KLF5: variants seen among roughly 807,000 people sequenced by gnomAD.
The protein encoded by KLF5 is Krueppel-like factor 5.
KLF5 carries 9 observed loss-of-function variants against 36.9 expected under a neutral mutation model. The ratio of observed to expected loss-of-function variants is 0.24; its 90% CI spans 0.15 to 0.43. The LOEUF (loss-of-function observed/expected upper bound fraction) is 0.43. Ranked by LOEUF, KLF5 falls within the 20% of genes least tolerant of loss-of-function variation. The probability of loss-of-function intolerance (pLI) is 1.00; values close to 1 mark genes in which losing one functional copy is unlikely to be tolerated. For synonymous variants in KLF5, 246 were observed against 241.7 expected (o/e 1.02, Z -0.17); for missense variants, 524 against 599.5 (o/e 0.87, Z 1.31).
At chr13:73,058,364 G>A (rs2044597017), upstream of KLF5, among the ~76,000 whole-genome samples, 1 of 152,178 alleles carries the variant, frequency 6.6e-6, no homozygotes, top group Admixed American at 6.5e-5. Flanking sequence ...CTGAAAAAAC[G>A]CTTGCCATCA....
At chr13:73,063,716 C>T in intron 2 of KLF5, 108 bp from the exon 3 acceptor site, 3 of 766,688 alleles carry the variant, frequency 3.9e-6, no homozygotes, top group Non-Finnish European at 6.7e-6. Context: ...ATAATCTCAT[C>T]TAGCATGAGA....
chr13:73,059,441 TC>T lies in KLF5; in HGVS notation c.116del (p.Pro39ArgfsTer13). On this transcript the variant is annotated frameshift_variant, in exon 1 of 4. Transcript: ENST00000377687. LOFTEE classifies it high-confidence loss of function. ...QLKPVLGAAN[P>X]ARDAALFPGE... is the part of the protein sequence containing the mutation. Reference sequence around the variant, plus strand: ...TCAAGCCGGTGCTGGGCGCCGCGAATCCGGCCCGCGACGCGGCGCTCTTCCC... The same window carrying T: ...TCAAGCCGGTGCTGGGCGCCGCGAATCGGCCCGCGACGCGGCGCTCTTCCC... 1 of 1,290,194 alleles carries T rather than the reference TC, an allele frequency of 7.8e-7. No homozygotes were observed. 79.9% of individuals were successfully genotyped at this position (1,290,194 alleles called of 1,614,324 possible).
chr13:73,063,333 T>C (rs2139106173), intron 2 of KLF5, among the ~76,000 whole-genome samples: 1 of 152,332 alleles, frequency 6.6e-6, no homozygotes, highest in Non-Finnish European at 1.5e-5. Context: ...ATACATGGAA[T>C]ATATTTACAA....
intron 3 of KLF5, among the ~76,000 whole-genome samples, chr13:73,065,933 A>G (rs1304838410): frequency 6.6e-6 from 1 of 152,192 alleles, no homozygotes; most frequent in African/African-American, 2.4e-5. Context: ...ACCTGCCGGC[A>G]AATACATTTA....
intron 1 of KLF5, 146 bp downstream of exon 1, chr13:73,059,734 T>A: frequency 5.4e-6 from 4 of 735,540 alleles, no homozygotes; most frequent in Non-Finnish European, 4.9e-6. Flanking sequence ...AGCCCCGCCC[T>A]GCACGCCTGG....
intron 3 of KLF5, among the ~76,000 whole-genome samples, chr13:73,074,725 A>G (rs2044747329): frequency 1.3e-5 from 2 of 152,192 alleles, no homozygotes; most frequent in South Asian, 2.1e-4. Context: ...AGGGAGGAAC[A>G]TACCAACTCA....
At chr13:73,070,998 A>G (rs1423462680) in intron 3 of KLF5, among the ~76,000 whole-genome samples, 1 of 152,234 alleles carries the variant, frequency 6.6e-6, no homozygotes, top group East Asian at 1.9e-4. Flanking sequence ...TTTAATCAGA[A>G]TAACTGAGTT....
chr13:73,059,304 C>A lies in KLF5; in HGVS notation c.-24C>A. 3 of 1,350,860 alleles carry A rather than the reference C, an allele frequency of 2.2e-6. No individual in the cohort carries two copies. Among genetic ancestry groups the A allele is most frequent in the Non-Finnish European group, 2.9e-6 (3 of 1,050,762 alleles). The allele number at this position is 1,350,860 out of a possible 1,614,324, so 83.7% of individuals were successfully genotyped here. ...GGTGGGAAGTGCGCCCGACCCGCGCCTGGAGCTGCGCCCCCGAGTGCCCAT... is the reference window on the plus strand; with the variant it reads ...GGTGGGAAGTGCGCCCGACCCGCGCATGGAGCTGCGCCCCCGAGTGCCCAT... On this transcript the variant is annotated 5_prime_UTR_variant, in exon 1 of 4. The change creates a new upstream start codon in the 5' untranslated region. Transcript: ENST00000377687.
At chr13:73,061,616 G>A (rs938239210) in intron 1 of KLF5, among the ~76,000 whole-genome samples, 3 of 152,084 alleles carry the variant, frequency 2.0e-5, no homozygotes, top group Non-Finnish European at 4.4e-5. Context: ...CTTGATTTGC[G>A]TCTTTCACTT....
At chr13:73,069,684 TA>T (rs1281529519) in intron 3 of KLF5, among the ~76,000 whole-genome samples, 1 of 152,220 alleles carries the variant, frequency 6.6e-6, no homozygotes, top group African/African-American at 2.4e-5. Context: ...ACTTTGCTTC[TA>T]GGACTTGTTC....
intron 3 of KLF5, among the ~76,000 whole-genome samples, chr13:73,073,247 C>T (rs2044734976): frequency 6.6e-6 from 1 of 152,184 alleles, no homozygotes; most frequent in Admixed American, 6.5e-5. Flanking sequence ...TTTACTTGAA[C>T]GGTGTTGACA....
Position 73,076,039 on chromosome 13 carries a change from T to A in KLF5, c.*153T>A. On this transcript the variant is annotated 3_prime_UTR_variant, in exon 4 of 4. Transcript: ENST00000377687. ...TTTGTATATTTGAGAAAACAGGGAATACATTGTATTAATACCAAAGTGTTT... is the reference window on the plus strand; with the variant it reads ...TTTGTATATTTGAGAAAACAGGGAAAACATTGTATTAATACCAAAGTGTTT... 1 of 622,854 alleles carries A rather than the reference T, an allele frequency of 1.6e-6. No individual in the cohort carries two copies. Among genetic ancestry groups the A allele is most frequent in the Non-Finnish European group, 2.6e-6 (1 of 389,720 alleles). 38.6% of individuals were successfully genotyped at this position (622,854 alleles called of 1,614,324 possible).
chr13:73,076,017 G>T lies in KLF5; in HGVS notation c.*131G>T. The stretch of plus-strand genomic sequence containing the variant: ...AACTAAAACTGGAAATGTATATTTT[G>T]TATATTTGAGAAAACAGGGAATACA... On this transcript the variant is annotated 3_prime_UTR_variant, in exon 4 of 4. Coordinates refer to ENST00000377687, the MANE Select transcript of KLF5 (RefSeq NM_001730.5). 1.3e-6 allele frequency: 1 copy of T among 771,688 alleles called. No individual in the cohort carries two copies. Among genetic ancestry groups the T allele is most frequent in the Admixed American group, 3.2e-5 (1 of 31,148 alleles). 47.8% of individuals were successfully genotyped at this position (771,688 alleles called of 1,614,324 possible). A position where few individuals can be genotyped will look rare whatever the true frequency, so the allele number is the denominator to read the frequency against.
intron 1 of KLF5, 93 bp downstream of exon 1, chr13:73,059,681 T>TGGGGCGTG (rs2044615983): frequency 1.0e-6 from 1 of 974,612 alleles, no homozygotes. Context: ...CGCTCCAGGC[T>TGGGGCGTG]GGGGCGTGCG....
intron 3 of KLF5, among the ~76,000 whole-genome samples, chr13:73,070,254 C>T (rs1435691135): frequency 6.6e-6 from 1 of 152,098 alleles, no homozygotes; most frequent in Non-Finnish European, 1.5e-5. Context: ...AGGAGACCTA[C>T]TGGTCAGGGT....
In KLF5 at chr13:73,059,408, C is replaced by G. The variant is rs1399473783; in HGVS notation, c.81C>G (p.Phe27Leu). 2.2e-6 allele frequency: 3 copies of G among 1,393,784 alleles called. No individual in the cohort carries two copies. In the Admixed American group the frequency reaches 8.9e-5, roughly 41 times the overall value. The allele number at this position is 1,393,784 out of a possible 1,614,324, so 86.3% of individuals were successfully genotyped here. A position where few individuals can be genotyped will look rare whatever the true frequency, so the allele number is the denominator to read the frequency against. The change falls in exon 1 of 4, where the codon TTC (phenylalanine) becomes TTG (leucine). Residue 27 changes from phenylalanine to leucine, a missense_variant. Phe to Leu is a conservative substitution (Grantham distance 22). Coordinates refer to ENST00000377687, the MANE Select transcript of KLF5 (RefSeq NM_001730.5). ...QPPAPQDEPV[F>L]AQLKPVLGAA... ...CGGCGCCGCAGGACGAGCCGGTGTT[C>G]GCGCAGCTCAAGCCGGTGCTGGGCG...
At chr13:73,075,357 G>A (rs563394119) in intron 3 of KLF5, among the ~76,000 whole-genome samples, 1 of 152,176 alleles carries the variant, frequency 6.6e-6, no homozygotes, top group Admixed American at 6.5e-5. Flanking sequence ...TAATGATAAA[G>A]CCACTCAGGC....
At chr13:73,074,873 G>A (rs991235019) in intron 3 of KLF5, 4 of 152,066 alleles carry the variant, frequency 2.6e-5, no homozygotes, top group African/African-American at 4.8e-5. Flanking sequence ...CAAGTATTTG[G>A]GACAGTTCCT....
intron 3 of KLF5, among the ~76,000 whole-genome samples, chr13:73,075,429 G>A (rs950378145): frequency 3.9e-5 from 6 of 152,084 alleles, no homozygotes; most frequent in African/African-American, 7.2e-5. Flanking sequence ...GCACTGATTC[G>A]TTTTGTACTT....
Sources: gnomAD v4.1 joint callset for allele counts (sites outside exome capture counted in the v4.1 genomes callset) on GRCh38, gnomAD v4.1.1 for gene constraint, MANE v1.5 for transcripts, NCBI Gene and HGNC (gene_info 2026-07-23, HGNC 2026-07-21) for gene names.